The following C2CD2 variants were observed in gnomAD, a reference collection of about 807,000 sequenced individuals.
C2CD2 encodes the protein C2 domain-containing protein 2.
C2CD2 carries 43 observed loss-of-function variants against 74.3 expected under a neutral mutation model. The ratio of observed to expected loss-of-function variants is 0.58; its 90% CI spans 0.45 to 0.75. The LOEUF is 0.75. Ranked by LOEUF, C2CD2 falls within the 30% of genes least tolerant of loss-of-function variation. The pLI, the probability that C2CD2 is intolerant of heterozygous loss-of-function variation, is 0.00. For missense variants in C2CD2, 801 were observed against 916.3 expected, an observed-to-expected ratio of 0.87 and a Z score of 1.63; for synonymous variants, 422 against 390.7, an observed-to-expected ratio of 1.08 and a Z score of -0.94.
In C2CD2 at chr21:41,926,948, G is replaced by A. The variant is rs2065219128; in HGVS notation, c.379-4863C>T. The stretch of plus-strand genomic sequence containing the variant: ...GGCAAAGACCCTTCAGTAATCATCT[G>A]GATTTCCTAGTCAGATGTCTTTCCC... On this transcript the variant is annotated intron_variant, in intron 2 of 13. Transcript: ENST00000380486. The surrounding 1 kb of genome is among the most constrained non-coding windows in gnomAD (Gnocchi z 8.0). Among the ~76,000 whole-genome samples, 3 of 152,152 alleles carry A rather than the reference G, an allele frequency of 2.0e-5. No individual in the cohort carries two copies. The highest frequency in any genetic ancestry group is 2.0e-4 in the Admixed American group (3 of 15,280).
chr21:41,909,496 T>C lies in C2CD2; in HGVS notation c.981A>G (p.Leu327=), dbSNP rs1341377040. 2 of 1,613,724 alleles carry C rather than the reference T, an allele frequency of 1.2e-6. No homozygotes were observed. The highest frequency in any genetic ancestry group is 1.7e-6 in the Non-Finnish European group (2 of 1,179,612). ...GCCCAGCCTCTGAAATCTGCAGGTG[T>C]AACTCCTTCGACTTGGCATTCAACT... ...TFELNAKSKE[L]HLQISEAGRS... Residue 327 remains leucine (L), a synonymous_variant, in exon 8 of 14, where the codon TTA becomes TTG. Coordinates refer to ENST00000380486, the MANE Select transcript of C2CD2 (RefSeq NM_015500.2).
At chr21:41,919,008 T>A in intron 3 of C2CD2, 48 bp from the exon 4 acceptor site, 1 of 1,364,738 alleles carries the variant, frequency 7.3e-7, no homozygotes, top group Non-Finnish European at 1.0e-6. Context: ...ACCAAAGCCT[T>A]AATGTGCACG....
In C2CD2 at chr21:41,895,026, G is replaced by A. The variant is rs1569054576; in HGVS notation, c.1870+4027C>T. ...TTCAACAGAACACGCACTGAGGTGC[G>A]GCTGGGAAGGCATTGTGTAGATGTG... On this transcript the variant is annotated intron_variant, in intron 13 of 13. Coordinates refer to ENST00000380486, the MANE Select transcript of C2CD2 (RefSeq NM_015500.2). This position sits in a 1 kb window ranked among gnomAD's most constrained non-coding sequence, Gnocchi z 5.0. 5 of 449,372 alleles carry A rather than the reference G, an allele frequency of 1.1e-5. No homozygotes were observed. Among genetic ancestry groups the A allele is most frequent in the South Asian group, 7.8e-5 (5 of 63,702 alleles). 27.8% of individuals were successfully genotyped at this position (449,372 alleles called of 1,614,324 possible).
chr21:41,924,054 T>A lies in C2CD2; in HGVS notation c.379-1969A>T, dbSNP rs189003407. Among the ~76,000 whole-genome samples the A allele has an allele frequency of 1.5e-3, 226 of 152,298 alleles. 2 individuals carry two copies. The highest frequency in any genetic ancestry group is 5.4e-3 in the African/African-American group (223 of 41,562). ...CCTCATTCCCAAAAGAACCACTGAC[T>A]CCACTGCAGGGAGTCACAGGACAGG... On this transcript the variant is annotated intron_variant, in intron 2 of 13. Coordinates refer to ENST00000380486, the MANE Select transcript of C2CD2 (RefSeq NM_015500.2). The surrounding 1 kb of genome is among the most constrained non-coding windows in gnomAD (Gnocchi z 4.4).
At chr21:41,935,877 G>A (rs1198741291) in intron 2 of C2CD2, among the ~76,000 whole-genome samples, 1 of 151,918 alleles carries the variant, frequency 6.6e-6, no homozygotes, top group African/African-American at 2.4e-5. Context: ...AATGGTGCTG[G>A]GAAAACTGGC....
intron 5 of C2CD2, among the ~76,000 whole-genome samples, chr21:41,915,305 C>A (rs898710230): frequency 1.3e-5 from 2 of 152,158 alleles, no homozygotes; most frequent in African/African-American, 4.8e-5. Flanking sequence ...TCACATCCTC[C>A]AATAGACACC....
At chr21:41,908,118 G>T in intron 8 of C2CD2, 1 of 346,928 alleles carries the variant, frequency 2.9e-6, no homozygotes, top group Non-Finnish European at 5.4e-6. Context: ...AGGAATTGCA[G>T]CAATGTAAAT....
At chr21:41,930,229 C>T (rs1280546989) in intron 2 of C2CD2, among the ~76,000 whole-genome samples, 2 of 149,922 alleles carry the variant, frequency 1.3e-5, no homozygotes, top group African/African-American at 4.9e-5. Flanking sequence ...TCTGGAGCAC[C>T]TGAGCACATG....
chr21:41,940,922 A>T (rs2065349227), intron 2 of C2CD2, among the ~76,000 whole-genome samples: 1 of 152,216 alleles, frequency 6.6e-6, no homozygotes, highest in South Asian at 2.1e-4. Context: ...TGCTGAACAT[A>T]ACTGGCAAAT....
At position 41,942,214 on chromosome 21, in the gene C2CD2, G is replaced by T. The variant is rs927189086; in HGVS notation, c.311C>A (p.Pro104Gln). 6.5e-7 allele frequency: 1 copy of T among 1,549,580 alleles called. No homozygotes were observed. Among genetic ancestry groups the T allele is most frequent in the Non-Finnish European group, 8.7e-7 (1 of 1,146,806 alleles). Reference protein sequence around the residue: ...GPPFLSFEEDPRQQALELVVQ... With the variant: ...GPPFLSFEEDQRQQALELVVQ... The stretch of plus-strand genomic sequence containing the variant: ...CACCAGCTCCAGTGCCTGCTGCCGC[G>T]GGTCCTCCTCAAAGGACAGGAAAGG... The change falls in exon 2 of 14, where the codon CCG becomes CAG. Residue 104 changes from proline (P) to glutamine (Q), a missense_variant. Pro to Gln is a moderately conservative substitution (Grantham distance 76). Coordinates refer to ENST00000380486, the MANE Select transcript of C2CD2 (RefSeq NM_015500.2).
chr21:41,942,394 A>G (rs2065362256), intron 1 of C2CD2, 149 bp from the exon 2 acceptor site: 3 of 656,176 alleles, frequency 4.6e-6, no homozygotes, highest in Non-Finnish European at 2.7e-6. Flanking sequence ...CAATGGCTAA[A>G]TATCAGGAGC....
intron 12 of C2CD2, among the ~76,000 whole-genome samples, chr21:41,900,146 C>T (rs1190115684): frequency 4.6e-5 from 7 of 151,680 alleles, no homozygotes; most frequent in East Asian, 1.9e-4. Context: ...TAGTGGCGGG[C>T]GCCTGTACTC....
chr21:41,928,430 C>T (rs186518692), intron 2 of C2CD2, among the ~76,000 whole-genome samples: 27 of 151,960 alleles, frequency 1.8e-4, no homozygotes, highest in African/African-American at 6.3e-4. Context: ...GAGGAACCTC[C>T]ACCACCCGCC....
At chr21:41,905,691 A>C (rs750708559) in intron 11 of C2CD2, 33 bp downstream of exon 11, 3 of 1,143,052 alleles carry the variant, frequency 2.6e-6, no homozygotes, top group Admixed American at 1.8e-5. Flanking sequence ...AAAGGTGCTA[A>C]GAGGGAGAGC....
chr21:41,893,469 G>C (rs1386651934), intron 13 of C2CD2, among the ~76,000 whole-genome samples: 1 of 152,122 alleles, frequency 6.6e-6, no homozygotes, highest in East Asian at 1.9e-4. Context: ...TAAAAAGATG[G>C]TAGACAAGAA....
chr21:41,921,361 C>T (rs1238567815), intron 3 of C2CD2, among the ~76,000 whole-genome samples: 1 of 152,164 alleles, frequency 6.6e-6, no homozygotes, highest in Non-Finnish European at 1.5e-5. Flanking sequence ...ACGCACAGCT[C>T]TCTGATGATT....
In C2CD2 at chr21:41,923,921, G is replaced by T. The variant is rs1462043315; in HGVS notation, c.379-1836C>A. 6.6e-6 allele frequency among the ~76,000 whole-genome samples: 1 copy of T among 152,120 alleles called. No homozygotes were observed. Among genetic ancestry groups the T allele is most frequent in the Non-Finnish European group, 1.5e-5 (1 of 68,014 alleles). ...CCAGGAGGAGGAGAGGGGAGGCCAG[G>T]GGCACAGTGGGCTGGACCACAGGGC... On this transcript the variant is annotated intron_variant, in intron 2 of 13. Coordinates refer to ENST00000380486, the MANE Select transcript of C2CD2 (RefSeq NM_015500.2). The surrounding 1 kb of genome is among the most constrained non-coding windows in gnomAD (Gnocchi z 5.8).
intron 1 of C2CD2, among the ~76,000 whole-genome samples, 176 bp from the exon 2 acceptor site, chr21:41,942,421 G>A (rs1006949602): frequency 1.3e-5 from 2 of 152,238 alleles, no homozygotes; most frequent in East Asian, 3.8e-4. Flanking sequence ...CATCCAAGGA[G>A]CAGCTGGTGA....
At chr21:41,934,384 G>A (rs1001448909) in intron 2 of C2CD2, among the ~76,000 whole-genome samples, 1 of 152,178 alleles carries the variant, frequency 6.6e-6, no homozygotes, top group Non-Finnish European at 1.5e-5. Context: ...AGCAGTGTCT[G>A]TGCCAGTACA....
Sources: allele counts gnomAD v4.1 joint callset (sites outside exome capture counted in the v4.1 genomes callset), GRCh38; gene constraint gnomAD v4.1.1; non-coding constraint Gnocchi (gnomAD v3.1); transcripts MANE v1.5; gene names NCBI Gene and HGNC (gene_info 2026-07-23, HGNC 2026-07-21).